The following PRKCH variants were observed in gnomAD, a reference collection of about 807,000 sequenced individuals.
PRKCH encodes protein kinase C eta.
Under a neutral mutation model 82.5 loss-of-function variants are expected in PRKCH, and 28 were observed. The observed-to-expected ratio is 0.34, with a 90% CI of 0.25 to 0.47. The LOEUF is 0.47. Among genes scored for constraint, PRKCH ranks in the 20% least tolerant of loss-of-function variants. The pLI, the probability that PRKCH is intolerant of heterozygous loss-of-function variation, is 1.00. For synonymous variants in PRKCH, 322 were observed against 327.4 expected (o/e 0.98, Z 0.18); for missense variants, 705 against 881.8 (o/e 0.80, Z 2.54).
At chr14:61,479,573 G>A (rs1283202559) in intron 9 of PRKCH, among the ~76,000 whole-genome samples, 1 of 152,184 alleles carries the variant, frequency 6.6e-6, no homozygotes, top group Non-Finnish European at 1.5e-5. Flanking sequence ...TCCTGGCATA[G>A]CACTTTCATC....
chr14:61,511,443 A>G (rs1328570999), intron 10 of PRKCH, among the ~76,000 whole-genome samples: 1 of 152,126 alleles, frequency 6.6e-6, no homozygotes, highest in African/African-American at 2.4e-5. Flanking sequence ...AGATTGGGGC[A>G]GCCCCCCACC....
At chr14:61,390,614 A>T (rs2046662505) in intron 1 of PRKCH, 1 of 152,610 alleles carries the variant, frequency 6.6e-6, no homozygotes, top group South Asian at 2.1e-4. Context: ...GGTTGCAGTG[A>T]GCTGAGATCA....
chr14:61,538,685 GT>G (rs1717904309), intron 12 of PRKCH, among the ~76,000 whole-genome samples: 1 of 152,240 alleles, frequency 6.6e-6, no homozygotes, highest in Non-Finnish European at 1.5e-5. Context: ...ACCGGTGTCT[GT>G]GGGTCAGAAA....
At chr14:61,388,789 A>G (rs1343838098) in intron 1 of PRKCH, among the ~76,000 whole-genome samples, 2 of 152,186 alleles carry the variant, frequency 1.3e-5, no homozygotes, top group African/African-American at 4.8e-5. Flanking sequence ...TAAGATAGTT[A>G]AGAGGATATT....
intron 10 of PRKCH, among the ~76,000 whole-genome samples, chr14:61,508,493 A>AAGACAG (rs1179952264): frequency 1.3e-5 from 2 of 152,166 alleles, no homozygotes; most frequent in African/African-American, 4.8e-5. Flanking sequence ...AAAGGGAAAC[A>AAGACAG]AGACAGAGTC....
In PRKCH at chr14:61,255,402, T is replaced by C. The variant is rs560918863; in HGVS notation, c.-19+67734T>C. ...TCTTGAGATTGGGAACACATTCTTT[T>C]GAAGTGTATCATCCGCTTCAATCTA... is the stretch of plus-strand genomic sequence containing the variant. On this transcript the variant is annotated intron_variant, in intron 1 of 3. Coordinates refer to the PRKCH transcript ENST00000555185. 6.0e-4 allele frequency among the ~76,000 whole-genome samples: 91 copies of C among 152,328 alleles called. 1 individual carries two copies. Among genetic ancestry groups the C allele is most frequent in the South Asian group, 8.3e-4 (4 of 4,822 alleles).
Position 61,362,182 on chromosome 14 carries a change from G to T in PRKCH, c.364-29043G>T, listed in dbSNP as rs7156134. 3.8e-3 allele frequency among the ~76,000 whole-genome samples: 572 copies of T among 151,926 alleles called. 5 individuals are homozygous for T. The highest frequency in any genetic ancestry group is 0.013 in the African/African-American group (523 of 41,464). ...CGATATTTCATCTCTATGTTTTTAT[G>T]TTAAAAAAATAGCTAAGTGTGGTGC... On this transcript the variant is annotated intron_variant, in intron 1 of 13. Transcript: ENST00000332981.
At chr14:61,440,469 A>G (rs559576248) in intron 2 of PRKCH, among the ~76,000 whole-genome samples, 24 of 152,284 alleles carry the variant, frequency 1.6e-4, no homozygotes, top group African/African-American at 5.5e-4. Flanking sequence ...ATCTCTGAAG[A>G]TGTTGGTGTC....
At chr14:61,506,336 G>T (rs989114608) in intron 10 of PRKCH, among the ~76,000 whole-genome samples, 62 of 152,128 alleles carry the variant, frequency 4.1e-4, no homozygotes, top group African/African-American at 1.4e-3. Flanking sequence ...GTCAGCAGGA[G>T]GAACTTCGGT....
rs141154115 is a variant in PRKCH, at chr14:61,496,377, A to T, written c.1433+10721A>T. ...AGTATGTGGTGGAATCTACAATTCCACTCCATGATATCCTTTTGAATCCAT... is the reference window on the plus strand; with the variant it reads ...AGTATGTGGTGGAATCTACAATTCCTCTCCATGATATCCTTTTGAATCCAT... On this transcript the variant is annotated intron_variant, in intron 10 of 13. Transcript: ENST00000332981. Among the ~76,000 whole-genome samples the T allele has an allele frequency of 6.9e-4, 105 of 152,194 alleles. 1 individual carries two copies. Among genetic ancestry groups the T allele is most frequent in the Admixed American group, 6.5e-4 (10 of 15,290 alleles).
intron 1 of PRKCH, chr14:61,281,086 T>G: frequency 2.6e-6 from 4 of 1,510,980 alleles, no homozygotes; most frequent in Non-Finnish European, 3.5e-6. Flanking sequence ...GGGGAGGCGC[T>G]GCTGAGTGAA....
At chr14:61,476,538 G>A (rs1885737921) in intron 9 of PRKCH, 1 of 152,226 alleles carries the variant, frequency 6.6e-6, no homozygotes, top group Non-Finnish European at 1.5e-5. Flanking sequence ...ATGTTTCACA[G>A]TGTGTTAAAC....
intron 2 of PRKCH, among the ~76,000 whole-genome samples, chr14:61,425,920 G>T (rs539970390): frequency 6.6e-6 from 1 of 152,190 alleles, no homozygotes; most frequent in South Asian, 2.1e-4. Flanking sequence ...TTTATAAGGG[G>T]CTCTTCTCCC....
intron 1 of PRKCH, among the ~76,000 whole-genome samples, chr14:61,386,108 G>A (rs958332056): frequency 4.6e-5 from 7 of 152,282 alleles, no homozygotes; most frequent in African/African-American, 1.4e-4. Context: ...TCCATAATGC[G>A]TTTGGTTGCT....
intron 1 of PRKCH, among the ~76,000 whole-genome samples, chr14:61,193,988 G>A (rs1044163767): frequency 2.4e-4 from 37 of 151,948 alleles, no homozygotes; most frequent in Admixed American, 1.9e-3. Flanking sequence ...TGTCTATTTG[G>A]GTTTAGATCT....
intron 1 of PRKCH, among the ~76,000 whole-genome samples, chr14:61,316,000 G>A (rs1239199747): frequency 1.3e-5 from 2 of 151,904 alleles, no homozygotes; most frequent in African/African-American, 2.4e-5. Context: ...CACCTGCCTC[G>A]GCCTCCCAAA....
chr14:61,440,734 C>T (rs1351328361), intron 2 of PRKCH, among the ~76,000 whole-genome samples: 3 of 152,072 alleles, frequency 2.0e-5, no homozygotes, highest in Non-Finnish European at 4.4e-5. Context: ...ATTAGCTGGG[C>T]TTGGTGGTGT....
intron 1 of PRKCH, among the ~76,000 whole-genome samples, chr14:61,250,619 G>A (rs1173037923): frequency 1.3e-5 from 2 of 152,134 alleles, no homozygotes; most frequent in African/African-American, 4.8e-5. Context: ...GAGAACACAG[G>A]ATTTTTAGGG....
At chr14:61,383,073 G>C (rs2046534922) in intron 1 of PRKCH, among the ~76,000 whole-genome samples, 1 of 152,184 alleles carries the variant, frequency 6.6e-6, no homozygotes, top group Non-Finnish European at 1.5e-5. Flanking sequence ...GCAAACTTTG[G>C]CTGAGGGTGT....
Sources: gnomAD v4.1 joint callset for allele counts (sites outside exome capture counted in the v4.1 genomes callset) on GRCh38, gnomAD v4.1.1 for gene constraint, MANE v1.5 for transcripts, NCBI Gene and HGNC (gene_info 2026-07-23, HGNC 2026-07-21) for gene names.